Variants in STARD13 observed in about 807,000 individuals in gnomAD.
The protein encoded by STARD13 is StAR related lipid transfer domain containing 13.
A neutral mutation model predicts 106.4 loss-of-function variants in STARD13; 62 were observed. The ratio of observed to expected loss-of-function variants is 0.58; its 90% CI spans 0.48 to 0.72. The LOEUF (loss-of-function observed/expected upper bound fraction) is 0.72, where lower values mean the gene tolerates loss of function less well. STARD13 is among the 30% of genes least tolerant of loss of function. The pLI, the probability that STARD13 is intolerant of heterozygous loss-of-function variation, is 0.00. For synonymous variants in STARD13, 565 were observed against 553.0 expected, an observed-to-expected ratio of 1.02 and a Z score of -0.31; for missense variants, 1,387 against 1,424.0, an observed-to-expected ratio of 0.97 and a Z score of 0.42.
chr13:33,569,746 C>A, the STARD13 span, among the ~76,000 whole-genome samples: 1 of 147,792 alleles, frequency 6.8e-6, no homozygotes, highest in Non-Finnish European at 1.5e-5. Flanking sequence ...GATGAAATGG[C>A]AACAGAGTAG....
chr13:33,187,529 A>C (rs538567528), intron 1 of STARD13, among the ~76,000 whole-genome samples: 2 of 152,288 alleles, frequency 1.3e-5, no homozygotes, highest in East Asian at 3.9e-4. Flanking sequence ...CATGCATTTT[A>C]CTGAGACTTC....
chr13:33,367,180 G>A, the STARD13 span, among the ~76,000 whole-genome samples: 4 of 152,194 alleles, frequency 2.6e-5, no homozygotes, highest in Non-Finnish European at 5.9e-5. Context: ...TATCAGGTCA[G>A]AGATGAGCTT....
At chr13:33,173,606 A>G (rs1364559410) in intron 1 of STARD13, among the ~76,000 whole-genome samples, 1 of 152,202 alleles carries the variant, frequency 6.6e-6, no homozygotes, top group East Asian at 1.9e-4. Context: ...TTAATTGTAT[A>G]CCAAATATAA....
chr13:33,603,734 A>T, the STARD13 span, among the ~76,000 whole-genome samples: 1 of 152,208 alleles, frequency 6.6e-6, no homozygotes, highest in Admixed American at 6.5e-5. Flanking sequence ...TTTGAAAAAA[A>T]AATTTTAAAA....
chr13:33,157,289 C>G (rs567909047), intron 3 of STARD13, among the ~76,000 whole-genome samples: 9 of 152,232 alleles, frequency 5.9e-5, no homozygotes, highest in South Asian at 4.2e-4. Flanking sequence ...GGTGAATGCC[C>G]TTGTTTTGCA....
At chr13:33,348,916 C>T in exon 2 of STARD13, 1 of 535,850 alleles carries the variant, frequency 1.9e-6, no homozygotes, top group Non-Finnish European at 3.4e-6. Context: ...TGGAATCATC[C>T]ATAATCTCCA....
chr13:33,485,933 T>A, the STARD13 span, among the ~76,000 whole-genome samples: 1 of 152,224 alleles, frequency 6.6e-6, no homozygotes, highest in African/African-American at 2.4e-5. Context: ...AGGTGTACTT[T>A]GGTGAATTGA....
At chr13:33,287,721 C>T (rs748916010), upstream of STARD13, among the ~76,000 whole-genome samples, 2 of 152,132 alleles carry the variant, frequency 1.3e-5, no homozygotes, top group Non-Finnish European at 2.9e-5. Context: ...GCTTTGTGCA[C>T]GTGCTTTCGG....
chr13:33,488,299 A>C, the STARD13 span, among the ~76,000 whole-genome samples: 1 of 152,186 alleles, frequency 6.6e-6, no homozygotes, highest in African/African-American at 2.4e-5. Flanking sequence ...TCAGCTCAAG[A>C]GTCCCCTCAT....
At chr13:33,201,738 A>G (rs1023199810) in intron 1 of STARD13, among the ~76,000 whole-genome samples, 1 of 152,164 alleles carries the variant, frequency 6.6e-6, no homozygotes, top group Non-Finnish European at 1.5e-5. Flanking sequence ...TATTTTCAAC[A>G]TTTTCTAAAT....
At chr13:33,660,235 GA>G in the STARD13 span, among the ~76,000 whole-genome samples, 1 of 152,152 alleles carries the variant, frequency 6.6e-6, no homozygotes, top group African/African-American at 2.4e-5. Flanking sequence ...TTATGTCAAT[GA>G]CAGTAAGTGA....
chr13:33,126,900 T>C (rs187150812), intron 6 of STARD13, among the ~76,000 whole-genome samples: 76 of 152,356 alleles, frequency 5.0e-4, no homozygotes, highest in Non-Finnish European at 8.4e-4. Flanking sequence ...CAATTCCTTA[T>C]TACAAGGTTT....
the STARD13 span, among the ~76,000 whole-genome samples, chr13:33,559,397 A>G: frequency 4.6e-5 from 7 of 151,626 alleles, no homozygotes; most frequent in African/African-American, 1.7e-4. Context: ...AGGGACCTTC[A>G]AACTTTATAT....
At chr13:33,180,386 C>T (rs1885118630) in intron 1 of STARD13, 1 of 152,204 alleles carries the variant, frequency 6.6e-6, no homozygotes, top group Non-Finnish European at 1.5e-5. Flanking sequence ...ATGCGGGGAT[C>T]TCAAGGGCAA....
At chr13:33,587,999 T>C in the STARD13 span, among the ~76,000 whole-genome samples, 1 of 152,234 alleles carries the variant, frequency 6.6e-6, no homozygotes, top group African/African-American at 2.4e-5. Context: ...AAAATTTAAA[T>C]TGACAAATAT....
intron 1 of STARD13, among the ~76,000 whole-genome samples, chr13:33,200,865 A>C (rs975716909): frequency 1.3e-5 from 2 of 151,942 alleles, no homozygotes; most frequent in Non-Finnish European, 2.9e-5. Context: ...CTAAAAAAAA[A>C]AATACAAAAA....
At chr13:33,281,277 T>G (rs1469795202) in intron 1 of STARD13, 2 of 152,186 alleles carry the variant, frequency 1.3e-5, no homozygotes, top group African/African-American at 4.8e-5. Flanking sequence ...TCAGTGGACT[T>G]GACTGCAATC....
intron 12 of STARD13, among the ~76,000 whole-genome samples, chr13:33,107,640 A>C (rs991324930): frequency 3.3e-5 from 5 of 152,168 alleles, no homozygotes; most frequent in Non-Finnish European, 7.3e-5. Context: ...AGAGATAGGA[A>C]AGTACATTTC....
At chr13:33,626,432 C>T in the STARD13 span, among the ~76,000 whole-genome samples, 2 of 152,092 alleles carry the variant, frequency 1.3e-5, no homozygotes, top group African/African-American at 4.8e-5. Flanking sequence ...GCTGAACCTC[C>T]AATATTTGAG....
Sources: allele counts gnomAD v4.1 joint callset (sites outside exome capture counted in the v4.1 genomes callset), GRCh38; gene constraint gnomAD v4.1.1; transcripts MANE v1.5; gene names NCBI Gene and HGNC (gene_info 2026-07-23, HGNC 2026-07-21).